ASB5: variants seen among roughly 807,000 people sequenced by gnomAD.
ASB5 encodes ankyrin repeat and SOCS box protein 5.
In ASB5, 45 loss-of-function variants were observed where a neutral mutation model predicts 42.1. The ratio of observed to expected loss-of-function variants is 1.07; its 90% CI spans 0.84 to 1.37. ASB5 has a LOEUF of 1.37. ASB5 is among the 40% of genes most tolerant of loss of function. The pLI, the probability that ASB5 is intolerant of heterozygous loss-of-function variation, is 0.00. For missense variants in ASB5, 402 were observed against 399.8 expected (o/e 1.01, Z -0.05); for synonymous variants, 147 against 150.6 (o/e 0.98, Z 0.18).
At chr4:176,215,778 T>TA in intron 6 of ASB5, 51 bp from the exon 7 acceptor site, 1 of 1,546,574 alleles carries the variant, frequency 6.5e-7, no homozygotes, top group Non-Finnish European at 8.8e-7. Flanking sequence ...ATGAATTTTT[T>TA]ATGTTGTAAG....
intron 1 of ASB5, among the ~76,000 whole-genome samples, chr4:176,266,691 G>C (rs946048270): frequency 1.3e-5 from 2 of 151,924 alleles, no homozygotes; most frequent in Non-Finnish European, 2.9e-5. Context: ...TTCATATACA[G>C]ATTAATGCAT....
chr4:176,253,192 T>C (rs980203319), intron 1 of ASB5, among the ~76,000 whole-genome samples: 1 of 152,330 alleles, frequency 6.6e-6, no homozygotes, highest in East Asian at 1.9e-4. Context: ...ACATAATATA[T>C]ACTGGAAAAA....
At chr4:176,250,748 T>A (rs2603094) in intron 1 of ASB5, among the ~76,000 whole-genome samples, 7 of 152,030 alleles carry the variant, frequency 4.6e-5, no homozygotes, top group African/African-American at 1.7e-4. Context: ...AAATCTAAAC[T>A]AGTGAATATA....
chr4:176,264,153 A>C (rs1754315364), intron 1 of ASB5, among the ~76,000 whole-genome samples: 1 of 152,202 alleles, frequency 6.6e-6, no homozygotes, highest in Admixed American at 6.5e-5. Flanking sequence ...TCTACATAAA[A>C]TCTCAACCGT....
intron 1 of ASB5, among the ~76,000 whole-genome samples, chr4:176,252,674 A>C (rs1754066813): frequency 6.6e-6 from 1 of 152,208 alleles, no homozygotes; most frequent in Non-Finnish European, 1.5e-5. Context: ...TGGTACAAAG[A>C]CTCTGAAAGA....
intron 1 of ASB5, among the ~76,000 whole-genome samples, chr4:176,231,168 T>C (rs2126954725): frequency 6.6e-6 from 1 of 152,068 alleles, no homozygotes; most frequent in Admixed American, 6.6e-5. Context: ...CATACCTAAA[T>C]CACCATCTCC....
In ASB5 at chr4:176,268,923, G is replaced by C; in HGVS notation, c.186C>G (p.Thr62=). 1 of 1,610,770 alleles carries C rather than the reference G, an allele frequency of 6.2e-7. No individual in the cohort carries two copies. The highest frequency in any genetic ancestry group is 8.5e-7 in the Non-Finnish European group (1 of 1,178,434). Reference sequence around the variant, plus strand: ...TTATCATAAACATACCTTGTCCTTGGGTTACTCCATAAAATTCAGCTGCTA... The same window carrying C: ...TTATCATAAACATACCTTGTCCTTGCGTTACTCCATAAAATTCAGCTGCTA... ...ARIAAEFYGV[T]QGQGSWADRS... is the part of the protein sequence containing the mutation. Residue 62 remains threonine, a synonymous_variant, in exon 1 of 7, where the codon ACC becomes ACG. Coordinates refer to ENST00000296525, the MANE Select transcript of ASB5 (RefSeq NM_080874.4).
At chr4:176,259,102 GAGA>G (rs371832749) in intron 1 of ASB5, among the ~76,000 whole-genome samples, 3 of 152,052 alleles carry the variant, frequency 2.0e-5, no homozygotes, top group African/African-American at 4.8e-5. Flanking sequence ...GGGAGAGAGA[GAGA>G]AGGAGAGAGA....
chr4:176,223,558 G>A (rs1275725469), intron 2 of ASB5, among the ~76,000 whole-genome samples: 1 of 152,174 alleles, frequency 6.6e-6, no homozygotes, highest in Admixed American at 6.5e-5. Context: ...GTAACAGGAA[G>A]AACCTCAAAG....
intron 5 of ASB5, among the ~76,000 whole-genome samples, chr4:176,217,970 T>C (rs1753019813): frequency 1.3e-5 from 2 of 151,684 alleles, no homozygotes; most frequent in South Asian, 2.1e-4. Flanking sequence ...TCATTTTCAA[T>C]ATTTTTAAAA....
rs140581172 is a variant in ASB5, at chr4:176,215,724, G to T, written c.866C>A (p.Thr289Asn). 1.2e-5 allele frequency: 20 copies of T among 1,609,474 alleles called. No homozygotes were observed. Among genetic ancestry groups the T allele is most frequent in the Non-Finnish European group, 1.6e-5 (19 of 1,178,060 alleles). ...GCAAAGTTGGTAAAGAGAGCTTGGGGTAGCTACAAGAAGACATGAATCTAT... is the reference window on the plus strand; with the variant it reads ...GCAAAGTTGGTAAAGAGAGCTTGGGTTAGCTACAAGAAGACATGAATCTAT... The part of the protein sequence containing the change: ...VERILLQHEA[T>N]PSSLYQLCRL... Residue 289 changes from threonine (T) to asparagine (N), a missense_variant, in exon 7 of 7, where the codon ACC becomes AAC. Physicochemically the swap from Thr to Asn is moderately conservative, Grantham distance 65 (BLOSUM62 0). Transcript: ENST00000296525.
chr4:176,250,313 C>T (rs1197802523), intron 1 of ASB5, among the ~76,000 whole-genome samples: 1 of 152,110 alleles, frequency 6.6e-6, no homozygotes, highest in Non-Finnish European at 1.5e-5. Context: ...AACTGATTCA[C>T]CAAAAGTCAA....
intron 1 of ASB5, among the ~76,000 whole-genome samples, chr4:176,248,213 C>A (rs556744498): frequency 1.3e-5 from 2 of 152,208 alleles, no homozygotes; most frequent in African/African-American, 4.8e-5. Flanking sequence ...TGCAGCCTCA[C>A]CCTCCCCAGG....
At chr4:176,260,747 G>A (rs886343683) in intron 1 of ASB5, among the ~76,000 whole-genome samples, 2 of 152,088 alleles carry the variant, frequency 1.3e-5, no homozygotes, top group South Asian at 2.1e-4. Flanking sequence ...GCGCAATCTC[G>A]GCTCACTGCA....
intron 5 of ASB5, 58 bp downstream of exon 5, chr4:176,221,097 G>T: frequency 6.8e-7 from 1 of 1,480,296 alleles, no homozygotes; most frequent in Non-Finnish European, 9.0e-7. Flanking sequence ...CTCATTTAGA[G>T]AAATAAATAA....
intron 2 of ASB5, among the ~76,000 whole-genome samples, chr4:176,223,029 T>C (rs34278708): frequency 0.92 from 140,246 of 151,902 alleles, 64,868 homozygotes; most frequent in Non-Finnish European, 0.94. Flanking sequence ...CCACCCACCT[T>C]GGCCTCCCAA....
intron 5 of ASB5, among the ~76,000 whole-genome samples, chr4:176,217,470 T>C (rs1009144556): frequency 2.0e-5 from 3 of 152,100 alleles, no homozygotes; most frequent in African/African-American, 7.2e-5. Flanking sequence ...TGAAGCTCTT[T>C]GGTTTTCTTG....
intron 1 of ASB5, among the ~76,000 whole-genome samples, chr4:176,258,967 G>T (rs1025860293): frequency 1.3e-5 from 2 of 152,012 alleles, no homozygotes; most frequent in African/African-American, 2.4e-5. Flanking sequence ...GTTCAGTAAA[G>T]GTTTTTTTTC....
intron 5 of ASB5, among the ~76,000 whole-genome samples, chr4:176,217,753 C>T (rs910448212): frequency 6.6e-6 from 1 of 152,010 alleles, no homozygotes; most frequent in African/African-American, 2.4e-5. Context: ...TAAATAAATG[C>T]TGTTTAGTAC....
Sources: allele counts gnomAD v4.1 joint callset (sites outside exome capture counted in the v4.1 genomes callset), GRCh38; gene constraint gnomAD v4.1.1; transcripts MANE v1.5; gene names NCBI Gene and HGNC (gene_info 2026-07-23, HGNC 2026-07-21).